The following POLE variants were observed in gnomAD, a reference collection of about 807,000 sequenced individuals.
POLE encodes the protein DNA polymerase epsilon, catalytic subunit.
A neutral mutation model predicts 279.2 loss-of-function variants in POLE; 188 were observed. The observed-to-expected ratio is 0.67, with a 90% CI of 0.60 to 0.76. POLE has a LOEUF of 0.76. Among genes scored for constraint, POLE ranks in the 30% least tolerant of loss-of-function variants. The pLI is 0.00. For synonymous variants in POLE, 1,214 were observed against 1,172.5 expected (o/e 1.04, Z -0.72); for missense variants, 2,703 against 3,016.7 (o/e 0.90, Z 2.44).
In POLE at chr12:132,649,343, G is replaced by A. The variant is rs550525366; in HGVS notation, c.3968C>T (p.Ala1323Val). 2.2e-5 allele frequency: 36 copies of A among 1,613,612 alleles called. No individual in the cohort carries two copies. The African/African-American group carries it at 2.9e-4, about 13-fold the overall frequency. Residue 1323 changes from alanine (A) to valine (V), a missense_variant, in exon 31 of 49, where the codon GCC becomes GTC. Transcript: ENST00000320574. ...CCACGGAAGGTCCAGGATGCTGCGG[G>A]CAGTTCTTCGCAAGAAGCTCCCCAG... ...TGLGSFLRRTARSILDLPWQI... is the reference protein window; with the variant it reads ...TGLGSFLRRTVRSILDLPWQI...
chr12:132,629,817 G>A (rs548181100), intron 45 of POLE, among the ~76,000 whole-genome samples: 1 of 152,190 alleles, frequency 6.6e-6, no homozygotes. Context: ...TAACTGGTGT[G>A]AGAGGCCTAG....
At chr12:132,652,050 C>G (rs2042433406) in intron 29 of POLE, among the ~76,000 whole-genome samples, 1 of 152,192 alleles carries the variant, frequency 6.6e-6, no homozygotes, top group Non-Finnish European at 1.5e-5. Flanking sequence ...GACTTCTGTG[C>G]TACATGTAAG....
chr12:132,670,344 C>G (rs543408227), intron 16 of POLE, among the ~76,000 whole-genome samples: 1 of 151,766 alleles, frequency 6.6e-6, no homozygotes, highest in African/African-American at 2.4e-5. Context: ...CCATTGCACT[C>G]CAGCCTGGGC....
chr12:132,651,966 C>A (rs568158626), intron 29 of POLE, among the ~76,000 whole-genome samples: 1 of 152,210 alleles, frequency 6.6e-6, no homozygotes, highest in Non-Finnish European at 1.5e-5. Context: ...ATAGCTAACA[C>A]GTTTATGAGC....
At position 132,677,379 on chromosome 12, in the gene POLE, T is replaced by G. The variant is rs1060500852; in HGVS notation, c.785A>C (p.Asp262Ala). ...AAAACTTACAGGTCGTTCAACAAGG[T>G]CATCTCGGCGGGTGATTTCTACCGG... The part of the protein sequence containing the change: ...AFPVEITRRD[D>A]LVERPDPVVL... The change falls in exon 8 of 49, where the codon GAC (aspartate) becomes GCC (alanine). Residue 262 changes from aspartate (D) to alanine (A), a missense_variant. By Grantham distance (126) the Asp-to-Ala change is moderately radical. Transcript: ENST00000320574. The G allele has an allele frequency of 6.2e-7, 1 of 1,613,922 alleles. No homozygotes were observed. Among genetic ancestry groups the G allele is most frequent in the Non-Finnish European group, 8.5e-7 (1 of 1,179,834 alleles).
chr12:132,659,342 G>A lies in POLE; in HGVS notation c.3228C>T (p.Cys1076=), dbSNP rs767929667. 21 of 1,613,630 alleles carry A rather than the reference G, an allele frequency of 1.3e-5. No homozygotes were observed. The Admixed American group carries it at 2.3e-4, about 18-fold the overall frequency. The part of the protein sequence containing the change: ...DQMVKDAGLS[C]RYIISRKPEG... The stretch of plus-strand genomic sequence containing the variant: ...CGGGCTTGCGGGAGATGATGTAGCG[G>A]CAACTCAGCCCTGCATCCTTGACCA... Residue 1076 remains cysteine (C), a synonymous_variant, in exon 26 of 49, where the codon TGC becomes TGT. Coordinates refer to ENST00000320574, the MANE Select transcript of POLE (RefSeq NM_006231.4).
At chr12:132,625,366 C>T in intron 47 of POLE, 1 of 733,758 alleles carries the variant, frequency 1.4e-6, no homozygotes, top group East Asian at 2.6e-5. Flanking sequence ...AGCTGTGCAA[C>T]TCCCTCTTCC....
chr12:132,667,016 A>G (rs2042811495), intron 20 of POLE, among the ~76,000 whole-genome samples: 1 of 152,202 alleles, frequency 6.6e-6, no homozygotes, highest in African/African-American at 2.4e-5. Context: ...CAGATATAAA[A>G]TAATGACCCG....
chr12:132,650,104 T>C (rs964236946), intron 29 of POLE, among the ~76,000 whole-genome samples: 6 of 151,904 alleles, frequency 3.9e-5, no homozygotes, highest in Admixed American at 6.6e-5. Flanking sequence ...AGCTACTTGG[T>C]AGGCTGAGGC....
In POLE at chr12:132,641,678, C is replaced by A; in HGVS notation, c.5347G>T (p.Asp1783Tyr). Reference sequence around the variant, plus strand: ...GTGTTAGAGCACAGGGCTGTCTCATCGTAGCTGGCCGGGGCACTGGCAGCC... The same window carrying A: ...GTGTTAGAGCACAGGGCTGTCTCATAGTAGCTGGCCGGGGCACTGGCAGCC... ...GQAASAPASY[D>Y]ETALCSNTFR... The change falls in exon 39 of 49, where the codon GAT becomes TAT. Residue 1783 changes from aspartate (D) to tyrosine (Y), a missense_variant. Transcript: ENST00000320574. 6.2e-7 allele frequency: 1 copy of A among 1,614,048 alleles called. No homozygotes were observed. The highest frequency in any genetic ancestry group is 8.5e-7 in the Non-Finnish European group (1 of 1,180,026).
At position 132,624,751 on chromosome 12, in the gene POLE, G is replaced by A. The variant is rs2138421862; in HGVS notation, c.6807C>T (p.Tyr2269=). The A allele has an allele frequency of 1.2e-6, 2 of 1,613,822 alleles. No homozygotes were observed. The highest frequency in any genetic ancestry group is 1.7e-6 in the Non-Finnish European group (2 of 1,179,700). The change falls in exon 49 of 49, where the codon TAC becomes TAT. Residue 2269 remains tyrosine (Y), a synonymous_variant. Transcript: ENST00000320574. The part of the protein sequence containing the change: ...RNIAQHYGMS[Y]LLETLEWLLQ... ...GCAGCCACTCCAGGGTCTCCAGGAG[G>A]TACGACATGCCGTAGTGCTGGGCAA...
intron 29 of POLE, among the ~76,000 whole-genome samples, chr12:132,653,617 C>T (rs961746423): frequency 2.0e-5 from 3 of 152,146 alleles, no homozygotes; most frequent in Non-Finnish European, 2.9e-5. Flanking sequence ...CAAATTACAT[C>T]GCCTGTAAAT....
intron 41 of POLE, among the ~76,000 whole-genome samples, chr12:132,637,502 G>C (rs191862168): frequency 6.6e-6 from 1 of 152,208 alleles, no homozygotes; most frequent in Non-Finnish European, 1.5e-5. Context: ...TGCTGAGTGT[G>C]TGAGAAGCAC....
At chr12:132,642,114 G>T in intron 38 of POLE, 63 bp downstream of exon 38, 1 of 1,347,362 alleles carries the variant, frequency 7.4e-7, no homozygotes, top group Non-Finnish European at 1.0e-6. Flanking sequence ...GCCTTGAGAA[G>T]ATGTCACAGA....
chr12:132,676,381 A>G, intron 9 of POLE, 165 bp downstream of exon 9: 1 of 709,038 alleles, frequency 1.4e-6, no homozygotes. Context: ...CCCACTCGAA[A>G]GGGGAGGGTA....
intron 25 of POLE, chr12:132,659,840 T>G: frequency 3.8e-6 from 1 of 264,074 alleles, no homozygotes; most frequent in Non-Finnish European, 7.3e-6. Flanking sequence ...TACAGGCACA[T>G]GCCATCACAT....
intron 16 of POLE, among the ~76,000 whole-genome samples, chr12:132,671,446 G>A (rs572650160): frequency 3.0e-4 from 46 of 151,152 alleles, no homozygotes; most frequent in Admixed American, 1.3e-3. Flanking sequence ...CAAGGCAGGC[G>A]GATCACAAGG....
intron 45 of POLE, among the ~76,000 whole-genome samples, chr12:132,626,701 C>G (rs1181669824): frequency 6.6e-6 from 1 of 151,854 alleles, no homozygotes; most frequent in Non-Finnish European, 1.5e-5. Context: ...GAGATATTAG[C>G]AAATTGAATG....
chr12:132,659,317 C>T lies in POLE; in HGVS notation c.3253G>A (p.Glu1085Lys), dbSNP rs1482283883. ...CACCTCTCCGTGACAGGGGAGCCCT[C>T]GGGCTTGCGGGAGATGATGTAGCGG... ...SCRYIISRKP[E>K]GSPVTERAIP... Residue 1085 changes from glutamate to lysine, a missense_variant, in exon 26 of 49, where the codon GAG becomes AAG. Physicochemically the swap from Glu to Lys is moderately conservative, Grantham distance 56. Transcript: ENST00000320574. The T allele has an allele frequency of 2.5e-6, 4 of 1,611,882 alleles. No individual in the cohort carries two copies. Among genetic ancestry groups the T allele is most frequent in the African/African-American group, 2.7e-5 (2 of 73,028 alleles).
Sources: gnomAD v4.1 joint callset for allele counts (sites outside exome capture counted in the v4.1 genomes callset) on GRCh38, gnomAD v4.1.1 for gene constraint, MANE v1.5 for transcripts, NCBI Gene and HGNC (gene_info 2026-07-23, HGNC 2026-07-21) for gene names.